SIPA1L1: variants seen among roughly 807,000 people sequenced by gnomAD.
SIPA1L1 encodes signal induced proliferation associated 1 like 1.
In SIPA1L1, 26 loss-of-function variants were observed where a neutral mutation model predicts 162.7. That is an observed-to-expected ratio of 0.16 (90% CI 0.12 to 0.22). The LOEUF is 0.22. Ranked by LOEUF, SIPA1L1 falls within the 10% of genes least tolerant of loss-of-function variation. SIPA1L1 has a pLI of 1.00. For synonymous variants in SIPA1L1, 829 were observed against 837.4 expected, an observed-to-expected ratio of 0.99 and a Z score of 0.17; for missense variants, 1,874 against 2,241.0, an observed-to-expected ratio of 0.84 and a Z score of 3.31.
At chr14:71,528,989 G>A (rs1479437116) in intron 3 of SIPA1L1, among the ~76,000 whole-genome samples, 3 of 151,882 alleles carry the variant, frequency 2.0e-5, no homozygotes, top group Non-Finnish European at 4.4e-5. Flanking sequence ...GCACACGCCT[G>A]TAATCTCAGC....
chr14:71,499,754 T>C (rs2050058064), intron 2 of SIPA1L1, among the ~76,000 whole-genome samples: 1 of 152,188 alleles, frequency 6.6e-6, no homozygotes, highest in Non-Finnish European at 1.5e-5. Context: ...TTTTGATTTG[T>C]TTTGTTTCAC....
intron 2 of SIPA1L1, among the ~76,000 whole-genome samples, chr14:71,427,799 AT>A (rs779530433): frequency 9.9e-5 from 15 of 150,954 alleles, no homozygotes; most frequent in Non-Finnish European, 1.5e-4. Context: ...TTGCTTATGA[AT>A]TTTTTTTTAA....
chr14:71,668,180 T>C (rs895726766), intron 10 of SIPA1L1, among the ~76,000 whole-genome samples: 11 of 152,158 alleles, frequency 7.2e-5, no homozygotes, highest in Non-Finnish European at 1.0e-4. Context: ...ACATGGCCCA[T>C]ATCGAGTAGA....
chr14:71,512,783 CT>C lies in SIPA1L1; in HGVS notation c.-420del, dbSNP rs1232914587. 2 of 152,840 alleles carry C rather than the reference CT, an allele frequency of 1.3e-5. No homozygotes were observed. The highest frequency in any genetic ancestry group is 1.5e-5 in the Non-Finnish European group (1 of 68,674). The allele number at this position is 152,840 out of a possible 1,614,324, so 9.5% of individuals were successfully genotyped here. A position where few individuals can be genotyped will look rare whatever the true frequency, so the allele number is the denominator to read the frequency against. On this transcript the variant is annotated 5_prime_UTR_variant, in exon 3 of 24. Transcript: ENST00000381232. ...AAGACATTAGCTGAGAGTCTGGCAC[CT>C]TTTAAAGGTCTGATCATCAATTGTC... is the stretch of plus-strand genomic sequence containing the variant.
At chr14:71,411,468 G>A (rs1009632048) in intron 2 of SIPA1L1, among the ~76,000 whole-genome samples, 2 of 152,090 alleles carry the variant, frequency 1.3e-5, no homozygotes, top group Non-Finnish European at 1.5e-5. Flanking sequence ...CTCTTAACTG[G>A]GGCTGCCTTC....
In SIPA1L1 at chr14:71,646,596, T is replaced by A. The variant is rs977524151; in HGVS notation, c.1819-3739T>A. Among the ~76,000 whole-genome samples the A allele has an allele frequency of 2.0e-5, 3 of 152,236 alleles. No individual in the cohort carries two copies. The East Asian group carries it at 5.8e-4, about 29-fold the overall frequency. ...AGTGTTGAAAGACCCCTTTACTTTG[T>A]TGAGATTTAAGACCTTCATCTCAAA... is the stretch of plus-strand genomic sequence containing the variant. On this transcript the variant is annotated intron_variant, in intron 7 of 23. Transcript: ENST00000381232.
chr14:71,645,171 T>C (rs1180039509), intron 7 of SIPA1L1, among the ~76,000 whole-genome samples: 1 of 152,206 alleles, frequency 6.6e-6, no homozygotes, highest in East Asian at 1.9e-4. Flanking sequence ...CTGCCTCCAT[T>C]GTCTTTTCTC....
At chr14:71,668,011 G>A (rs1348962350) in intron 10 of SIPA1L1, among the ~76,000 whole-genome samples, 2 of 151,956 alleles carry the variant, frequency 1.3e-5, no homozygotes, top group Non-Finnish European at 2.9e-5. Context: ...GTTGCAGTGA[G>A]CCGAGATCGC....
At chr14:71,725,031 A>G (rs192014665) in intron 19 of SIPA1L1, among the ~76,000 whole-genome samples, 196 bp downstream of exon 19, 1 of 152,206 alleles carries the variant, frequency 6.6e-6, no homozygotes, top group East Asian at 1.9e-4. Flanking sequence ...GCCACATCTC[A>G]TTAGTCATGG....
At chr14:71,640,952 C>G (rs1347688179) in intron 7 of SIPA1L1, among the ~76,000 whole-genome samples, 1 of 152,012 alleles carries the variant, frequency 6.6e-6, no homozygotes, top group Non-Finnish European at 1.5e-5. Context: ...ACTAAAAAAC[C>G]CCTAAAGTTA....
At chr14:71,443,997 A>G (rs1217570377) in intron 2 of SIPA1L1, among the ~76,000 whole-genome samples, 1 of 152,188 alleles carries the variant, frequency 6.6e-6, no homozygotes, top group Admixed American at 6.5e-5. Flanking sequence ...CCCATAGGAG[A>G]TAAATAGTAT....
chr14:71,659,272 A>T (rs1472028174), intron 9 of SIPA1L1, among the ~76,000 whole-genome samples: 1 of 152,218 alleles, frequency 6.6e-6, no homozygotes, highest in East Asian at 1.9e-4. Flanking sequence ...TGTTGTGCTA[A>T]CAGAGCACAG....
chr14:71,568,727 A>G (rs1162224482), intron 4 of SIPA1L1, among the ~76,000 whole-genome samples: 1 of 152,224 alleles, frequency 6.6e-6, no homozygotes, highest in African/African-American at 2.4e-5. Flanking sequence ...TGAAAAAAGA[A>G]AGTTGCAAAA....
At chr14:71,329,026 G>A (rs186116377) in intron 2 of SIPA1L1, among the ~76,000 whole-genome samples, 66 of 152,238 alleles carry the variant, frequency 4.3e-4, no homozygotes, top group African/African-American at 1.3e-3. Flanking sequence ...GAATCATGTA[G>A]TATTTGTCTG....
intron 5 of SIPA1L1, among the ~76,000 whole-genome samples, chr14:71,612,742 A>C (rs1400916039): frequency 6.6e-6 from 1 of 152,196 alleles, no homozygotes; most frequent in Non-Finnish European, 1.5e-5. Flanking sequence ...TTGTACACAC[A>C]TGCTTATATA....
intron 12 of SIPA1L1, among the ~76,000 whole-genome samples, chr14:71,676,768 T>C (rs929133800): frequency 6.6e-6 from 1 of 151,940 alleles, no homozygotes; most frequent in African/African-American, 2.4e-5. Context: ...AGAATGATGG[T>C]TTCCAGCATC....
chr14:71,652,768 C>G (rs753659353), intron 8 of SIPA1L1, among the ~76,000 whole-genome samples: 2 of 151,880 alleles, frequency 1.3e-5, no homozygotes, highest in African/African-American at 4.8e-5. Context: ...AGTGAAATTT[C>G]CATTTAAGAT....
At chr14:71,737,420 G>C (rs973090569) in intron 22 of SIPA1L1, among the ~76,000 whole-genome samples, 5 of 152,128 alleles carry the variant, frequency 3.3e-5, no homozygotes, top group Admixed American at 3.3e-4. Context: ...TGTATAGCTT[G>C]GCTAGGAATC....
Position 71,588,632 on chromosome 14 carries a change from G to T in SIPA1L1, c.760G>T (p.Gly254Cys). The change falls in exon 5 of 24, where the codon GGT becomes TGT. Residue 254 changes from glycine to cysteine, a missense_variant. By Grantham distance (159) the Gly-to-Cys change is radical (BLOSUM62 -3). Around this residue, in one of 5 missense-constraint regions of SIPA1L1, gnomAD observed 685 missense variants for 828.0 expected, o/e 0.83. Transcript: ENST00000381232. The surrounding 1 kb of genome is among the most constrained non-coding windows in gnomAD (Gnocchi z 4.3). ...CTTTCTCATTACTGGTGGTGGCAAG[G>T]GTTCTGGTTTCTCTTTGGATGTAAT... ...SDFLITGGGK[G>C]SGFSLDVIDG... 1 of 1,614,024 alleles carries T rather than the reference G, an allele frequency of 6.2e-7. No homozygotes were observed. Among genetic ancestry groups the T allele is most frequent in the Non-Finnish European group, 8.5e-7 (1 of 1,179,968 alleles).
Sources: allele counts gnomAD v4.1 joint callset (sites outside exome capture counted in the v4.1 genomes callset), GRCh38; gene constraint gnomAD v4.1.1; regional missense constraint gnomAD v4.1.1; non-coding constraint Gnocchi (gnomAD v3.1); transcripts MANE v1.5; gene names NCBI Gene and HGNC (gene_info 2026-07-23, HGNC 2026-07-21).